The following PDE7A variants were observed in gnomAD, a reference collection of about 807,000 sequenced individuals.
PDE7A encodes phosphodiesterase 7A.
PDE7A carries 39 observed loss-of-function variants against 64.3 expected under a neutral mutation model. The ratio of observed to expected loss-of-function variants is 0.61; its 90% confidence interval spans 0.47 to 0.79. PDE7A has a LOEUF of 0.79. PDE7A is among the 30% of genes least tolerant of loss of function. PDE7A has a pLI of 0.00. For missense variants in PDE7A, 470 were observed against 582.8 expected (o/e 0.81, Z 1.99); for synonymous variants, 203 against 206.8 (o/e 0.98, Z 0.16).
At chr8:65,740,186 G>T (rs1271141876) in intron 5 of PDE7A, among the ~76,000 whole-genome samples, 1 of 147,924 alleles carries the variant, frequency 6.8e-6, no homozygotes, top group Non-Finnish European at 1.5e-5. Flanking sequence ...TGGGGAGGGG[G>T]AATCACAAAA....
chr8:65,734,511 A>G (rs548903756), intron 7 of PDE7A, among the ~76,000 whole-genome samples: 60 of 152,262 alleles, frequency 3.9e-4, no homozygotes, highest in Non-Finnish European at 7.9e-4. Context: ...CCCTGCCCAC[A>G]TGGAGCCCAT....
intron 4 of PDE7A, 120 bp from the exon 5 acceptor site, chr8:65,745,590 G>T (rs2128905510): frequency 1.7e-6 from 1 of 605,570 alleles, no homozygotes; most frequent in East Asian, 3.0e-5. Flanking sequence ...AAAAATACAA[G>T]TATCATTTTT....
Position 65,717,195 on chromosome 8 carries a change from A to G in PDE7A, c.*2095T>C, listed in dbSNP as rs374816586. ...TGGATTCTGTTTCTATTGGACATCA[A>G]CACTCTTCTGTACAAATAATATGTT... On this transcript the variant is annotated 3_prime_UTR_variant, in exon 13 of 13. Coordinates refer to ENST00000401827, the MANE Select transcript of PDE7A (RefSeq NM_001242318.3). Among the ~76,000 whole-genome samples, 10 of 152,214 alleles carry G rather than the reference A, an allele frequency of 6.6e-5. No individual in the cohort carries two copies. The East Asian group carries it at 7.7e-4, about 12-fold the overall frequency.
intron 3 of PDE7A, among the ~76,000 whole-genome samples, chr8:65,775,600 C>T (rs1291585089): frequency 6.6e-6 from 1 of 152,180 alleles, no homozygotes; most frequent in African/African-American, 2.4e-5. Flanking sequence ...TATCAGTGAT[C>T]CTACGTCCTC....
chr8:65,774,966 C>G (rs1196969309), intron 3 of PDE7A, among the ~76,000 whole-genome samples: 1 of 152,116 alleles, frequency 6.6e-6, no homozygotes, highest in Non-Finnish European at 1.5e-5. Flanking sequence ...TAGTTTTAAC[C>G]TCACAGACCG....
At chr8:65,781,576 T>C (rs1809421250) in intron 2 of PDE7A, among the ~76,000 whole-genome samples, 1 of 152,138 alleles carries the variant, frequency 6.6e-6, no homozygotes. Context: ...TATCAACCAG[T>C]AGGATCTGCT....
At chr8:65,736,013 A>G (rs900482842) in intron 6 of PDE7A, among the ~76,000 whole-genome samples, 4 of 152,166 alleles carry the variant, frequency 2.6e-5, no homozygotes, top group Non-Finnish European at 4.4e-5. Flanking sequence ...GATGCCTGAA[A>G]CCACAGATAG....
At chr8:65,839,058 T>C in intron 1 of PDE7A, among the ~76,000 whole-genome samples, 1 of 152,220 alleles carries the variant, frequency 6.6e-6, no homozygotes, top group Non-Finnish European at 1.5e-5. Context: ...CAGTCAGAGA[T>C]AATTTCATTA....
At chr8:65,821,997 C>T (rs914571840) in intron 1 of PDE7A, among the ~76,000 whole-genome samples, 4 of 152,170 alleles carry the variant, frequency 2.6e-5, no homozygotes, top group African/African-American at 9.7e-5. Context: ...AATTTTATAA[C>T]CACTGCCTTT....
At chr8:65,769,338 G>A (rs1267258675) in intron 3 of PDE7A, among the ~76,000 whole-genome samples, 1 of 150,606 alleles carries the variant, frequency 6.6e-6, no homozygotes, top group Non-Finnish European at 1.5e-5. Context: ...GGCCATCTGA[G>A]AAATGACTTA....
In PDE7A at chr8:65,734,797, A is replaced by G; in HGVS notation, c.693T>C (p.Pro231=). ...GAAATCAATGTCAACCTCTTACCTTAGGTTCCTTTAAGTAACAGTGCATGG... is the reference window on the plus strand; with the variant it reads ...GAAATCAATGTCAACCTCTTACCTTGGGTTCCTTTAAGTAACAGTGCATGG... ...TQAMHCYLKE[P]KLANSVTPWD... The change falls in exon 7 of 13, where the codon CCT becomes CCC. Residue 231 remains proline (P), a synonymous_variant. Coordinates refer to ENST00000401827, the MANE Select transcript of PDE7A (RefSeq NM_001242318.3). 6.4e-7 allele frequency: 1 copy of G among 1,562,744 alleles called. No individual in the cohort carries two copies. Among genetic ancestry groups the G allele is most frequent in the South Asian group, 1.1e-5 (1 of 89,602 alleles).
At chr8:65,770,119 TTCTGTGTG>T (rs1414576097) in intron 3 of PDE7A, among the ~76,000 whole-genome samples, 4 of 120,624 alleles carry the variant, frequency 3.3e-5, no homozygotes, top group East Asian at 5.3e-4. Context: ...TGCAGTATAC[TTCTGTGTG>T]TGTGTGTGTG....
In PDE7A at chr8:65,734,786, C is replaced by T; in HGVS notation, c.696+8G>A. The T allele has an allele frequency of 8.0e-6, 12 of 1,494,886 alleles. No homozygotes were observed. Among genetic ancestry groups the T allele is most frequent in the Non-Finnish European group, 1.0e-5 (11 of 1,073,038 alleles). The allele number at this position is 1,494,886 out of a possible 1,614,324, so 92.6% of individuals were successfully genotyped here. On this transcript the variant is annotated splice_region_variant and intron_variant, in intron 7 of 12. Coordinates refer to ENST00000401827, the MANE Select transcript of PDE7A (RefSeq NM_001242318.3). The stretch of plus-strand genomic sequence containing the variant: ...GATTTTCACCTGAAATCAATGTCAA[C>T]CTCTTACCTTAGGTTCCTTTAAGTA...
At chr8:65,735,602 T>G (rs1279439347) in intron 6 of PDE7A, among the ~76,000 whole-genome samples, 1 of 152,066 alleles carries the variant, frequency 6.6e-6, no homozygotes, top group Non-Finnish European at 1.5e-5. Context: ...TGAGCCACTA[T>G]GCCCCACCTA....
Position 65,788,922 on chromosome 8 carries a change from C to T in PDE7A, c.139-6079G>A, listed in dbSNP as rs1348837841. On this transcript the variant is annotated intron_variant, in intron 1 of 12. Coordinates refer to ENST00000401827, the MANE Select transcript of PDE7A (RefSeq NM_001242318.3). ...CTTGATAAGAACCAAGGCCAGACAC[C>T]AGATCAATGTAATTCCCATTGGATC... 4.3e-6 allele frequency: 7 copies of T among 1,613,028 alleles called. No homozygotes were observed. The South Asian group carries it at 5.5e-5, about 13-fold the overall frequency.
Position 65,770,119 on chromosome 8 carries a change from TTCTG to T in PDE7A, c.283+9597_283+9600del, listed in dbSNP as rs1458120532. ...ATTTGTCTTATTACTTGCAGTATAC[TTCTG>T]TGTGTGTGTGTGTGTGTGTGTGTGT... On this transcript the variant is annotated intron_variant, in intron 3 of 12. Transcript: ENST00000401827. Among the ~76,000 whole-genome samples, 12 of 120,624 alleles carry T rather than the reference TTCTG, an allele frequency of 9.9e-5. No individual in the cohort carries two copies. The East Asian group carries it at 3.2e-3, about 32-fold the overall frequency. The allele number at this position is 120,624 out of a possible 152,430, so 79.1% of individuals were successfully genotyped here.
chr8:65,794,576 G>C (rs1339561673), intron 1 of PDE7A, among the ~76,000 whole-genome samples: 2 of 152,154 alleles, frequency 1.3e-5, no homozygotes, highest in Admixed American at 1.3e-4. Flanking sequence ...GAATAAGAAT[G>C]GTAACTGTCC....
intron 1 of PDE7A, among the ~76,000 whole-genome samples, chr8:65,831,996 CTCTT>C (rs1810834564): frequency 6.6e-6 from 1 of 152,142 alleles, no homozygotes; most frequent in Admixed American, 6.5e-5. Context: ...ATCTAGCTTT[CTCTT>C]TATTTTTTGG....
At chr8:65,797,881 CAT>C (rs1283097046) in intron 1 of PDE7A, among the ~76,000 whole-genome samples, 1 of 150,572 alleles carries the variant, frequency 6.6e-6, no homozygotes, top group East Asian at 1.9e-4. Flanking sequence ...TATATTTAAA[CAT>C]AAAGACTAAA....
Sources: gnomAD v4.1 joint callset for allele counts (sites outside exome capture counted in the v4.1 genomes callset) on GRCh38, gnomAD v4.1.1 for gene constraint, MANE v1.5 for transcripts, NCBI Gene and HGNC (gene_info 2026-07-23, HGNC 2026-07-21) for gene names.